The following CYFIP2 variants were observed in gnomAD, a reference collection of about 807,000 sequenced individuals.
CYFIP2 encodes cytoplasmic FMR1-interacting protein 2.
In CYFIP2, 29 loss-of-function variants were observed where a neutral mutation model predicts 158.7. The ratio of observed to expected loss-of-function variants is 0.18; its 90% CI spans 0.14 to 0.25. The LOEUF is 0.25. CYFIP2 is among the 10% of genes least tolerant of loss of function. The pLI, the probability that CYFIP2 is intolerant of heterozygous loss-of-function variation, is 1.00. For synonymous variants in CYFIP2, 585 were observed against 617.6 expected, an observed-to-expected ratio of 0.95 and a Z score of 0.78; for missense variants, 852 against 1,639.5, an observed-to-expected ratio of 0.52 and a Z score of 8.29.
chr5:157,335,660 C>T (rs957945870), intron 21 of CYFIP2, among the ~76,000 whole-genome samples: 1 of 152,176 alleles, frequency 6.6e-6, no homozygotes, highest in African/African-American at 2.4e-5. Context: ...TTGACCTACC[C>T]ACCCACCTAA....
chr5:157,325,791 AT>A (rs1760975712), intron 17 of CYFIP2, 153 bp downstream of exon 17: 2 of 816,228 alleles, frequency 2.5e-6, no homozygotes, highest in Non-Finnish European at 3.6e-6. Flanking sequence ...AGACAGAATC[AT>A]TTAATTCAGC....
At chr5:157,386,712 G>C (rs1766728628) in intron 28 of CYFIP2, among the ~76,000 whole-genome samples, 1 of 152,162 alleles carries the variant, frequency 6.6e-6, no homozygotes, top group Admixed American at 6.5e-5. Context: ...GTGAGGTCAG[G>C]AGTTCAAGAC....
In CYFIP2 at chr5:157,302,433, T is replaced by G. The variant is rs1308430219; in HGVS notation, c.570-361T>G. Among the ~76,000 whole-genome samples, 3 of 152,278 alleles carry G rather than the reference T, an allele frequency of 2.0e-5. No homozygotes were observed. In the East Asian group the frequency reaches 5.8e-4, roughly 29 times the overall value. On this transcript the variant is annotated intron_variant, in intron 6 of 30. Transcript: ENST00000620254. Reference sequence around the variant, plus strand: ...CCTGCACTGCTTCTCCATAACTTACTATGCAGCCTCACTGGAGGTCACAGG... The same window carrying G: ...CCTGCACTGCTTCTCCATAACTTACGATGCAGCCTCACTGGAGGTCACAGG...
rs896876354 is a variant in CYFIP2, at chr5:157,333,356, A to T, written c.2295A>T (p.Arg765Ser). The T allele has an allele frequency of 1.9e-6, 3 of 1,613,862 alleles. No individual in the cohort carries two copies. The highest frequency in any genetic ancestry group is 1.3e-5 in the African/African-American group (1 of 74,988). Residue 765 changes from arginine to serine, a missense_variant, in exon 21 of 31, where the codon AGA (arginine) becomes AGT (serine). Arg to Ser is a moderately radical substitution (Grantham distance 110, BLOSUM62 -1). Around this residue, in one of 8 missense-constraint regions of CYFIP2, gnomAD observed 191 missense variants for 311.2 expected, o/e 0.61. Coordinates refer to ENST00000620254, the MANE Select transcript of CYFIP2 (RefSeq NM_001037333.3). ...QLLGRSIDLN[R>S]LITQRISAAM... ...TGGGTAGATCAATTGACTTGAACAG[A>T]CTCATTACCCAGCGCATCTCTGCCG... is the stretch of plus-strand genomic sequence containing the variant.
chr5:157,282,838 G>A (rs188524919), intron 1 of CYFIP2, among the ~76,000 whole-genome samples: 210 of 152,262 alleles, frequency 1.4e-3, no homozygotes, highest in African/African-American at 4.6e-3. Flanking sequence ...GTTTCATCTG[G>A]ATTTTCCTTA....
intron 26 of CYFIP2, chr5:157,364,106 T>C (rs1764113776): frequency 6.7e-6 from 1 of 150,030 alleles, no homozygotes; most frequent in Non-Finnish European, 1.5e-5. Context: ...CAGACCCAGG[T>C]TGCTATAGCA....
At chr5:157,304,052 T>C (rs529831996) in intron 7 of CYFIP2, among the ~76,000 whole-genome samples, 186 bp from the exon 8 acceptor site, 47 of 152,274 alleles carry the variant, frequency 3.1e-4, no homozygotes, top group African/African-American at 1.1e-3. Flanking sequence ...GCAGGAGTAC[T>C]GTGGGGACAT....
chr5:157,383,788 C>A (rs1322678310), intron 28 of CYFIP2, among the ~76,000 whole-genome samples: 2 of 152,054 alleles, frequency 1.3e-5, no homozygotes, highest in African/African-American at 4.8e-5. Context: ...TAGAAACAAC[C>A]CAAACATCTA....
intron 14 of CYFIP2, among the ~76,000 whole-genome samples, 182 bp downstream of exon 14, chr5:157,320,110 T>C (rs1464722115): frequency 6.6e-6 from 1 of 152,244 alleles, no homozygotes; most frequent in African/African-American, 2.4e-5. Context: ...CCATATCCAC[T>C]GCTATCTAGC....
intron 30 of CYFIP2, 109 bp from the exon 31 acceptor site, chr5:157,392,724 C>T (rs1035659087): frequency 2.6e-5 from 32 of 1,215,618 alleles, no homozygotes; most frequent in Non-Finnish European, 3.5e-5. Context: ...AAGAAAGTGA[C>T]ATGATCACTG....
chr5:157,387,976 C>T (rs1486134723), intron 28 of CYFIP2, among the ~76,000 whole-genome samples: 1 of 152,104 alleles, frequency 6.6e-6, no homozygotes, highest in Non-Finnish European at 1.5e-5. Context: ...TAAAAGTCAC[C>T]CTCTCTTCCT....
chr5:157,330,872 T>C, intron 20 of CYFIP2, 22 bp downstream of exon 20: 2 of 1,584,254 alleles, frequency 1.3e-6, no homozygotes, highest in Non-Finnish European at 1.7e-6. Flanking sequence ...AGAAGCCACC[T>C]TGGAGATGGA....
chr5:157,308,892 A>G (rs1329032663), intron 9 of CYFIP2, among the ~76,000 whole-genome samples: 1 of 152,180 alleles, frequency 6.6e-6, no homozygotes, highest in Non-Finnish European at 1.5e-5. Context: ...TGGCTCTGCC[A>G]CTTAATAGCT....
intron 12 of CYFIP2, 148 bp from the exon 13 acceptor site, chr5:157,314,821 C>A: frequency 1.4e-6 from 1 of 689,904 alleles, no homozygotes; most frequent in Non-Finnish European, 2.4e-6. Flanking sequence ...TTTTCTTTTG[C>A]ATACTTACAA....
chr5:157,316,080 ACT>A (rs1229566741), intron 13 of CYFIP2, among the ~76,000 whole-genome samples: 1 of 144,370 alleles, frequency 6.9e-6, no homozygotes, highest in African/African-American at 2.7e-5. Flanking sequence ...ACAGAGTGAG[ACT>A]CTGTCTTAAA....
intron 7 of CYFIP2, 118 bp from the exon 8 acceptor site, chr5:157,304,120 C>G: frequency 7.7e-7 from 1 of 1,303,470 alleles, no homozygotes; most frequent in Non-Finnish European, 1.0e-6. Flanking sequence ...CTCCCTGGAG[C>G]TGTGATTCCT....
At chr5:157,366,732 T>A (rs1764407836) in intron 26 of CYFIP2, among the ~76,000 whole-genome samples, 1 of 152,216 alleles carries the variant, frequency 6.6e-6, no homozygotes, top group African/African-American at 2.4e-5. Context: ...TTGTTAAGTA[T>A]TTTTATATGT....
At chr5:157,277,690 C>T (rs1756673731) in intron 1 of CYFIP2, among the ~76,000 whole-genome samples, 1 of 152,174 alleles carries the variant, frequency 6.6e-6, no homozygotes, top group Admixed American at 6.5e-5. Context: ...CTGGTGGCTT[C>T]CTGGAGCTCA....
chr5:157,366,604 T>C (rs1034802505), intron 26 of CYFIP2, among the ~76,000 whole-genome samples: 2 of 152,238 alleles, frequency 1.3e-5, no homozygotes, highest in Non-Finnish European at 2.9e-5. Context: ...GAAAAGACCT[T>C]CTTCCTGCAA....
Sources: allele counts gnomAD v4.1 joint callset (sites outside exome capture counted in the v4.1 genomes callset), GRCh38; gene constraint gnomAD v4.1.1; regional missense constraint gnomAD v4.1.1; transcripts MANE v1.5; gene names NCBI Gene and HGNC (gene_info 2026-07-23, HGNC 2026-07-21).